The following CHD6 variants were observed in gnomAD, a reference collection of about 807,000 sequenced individuals.
CHD6 encodes the protein chromodomain helicase DNA binding protein 6.
A neutral mutation model predicts 276.9 loss-of-function variants in CHD6; 50 were observed. The ratio of observed to expected loss-of-function variants is 0.18; its 90% CI spans 0.14 to 0.23. CHD6 has a LOEUF of 0.23. Among genes scored for constraint, CHD6 ranks in the 10% least tolerant of loss-of-function variants. The pLI is 1.00. For missense variants in CHD6, 2,564 were observed against 3,365.8 expected, an observed-to-expected ratio of 0.76 and a Z score of 5.89; for synonymous variants, 1,173 against 1,229.3, an observed-to-expected ratio of 0.95 and a Z score of 0.96.
At chr20:41,412,122 C>T (rs2145401453) in intron 36 of CHD6, 22 bp downstream of exon 36, 1 of 1,613,340 alleles carries the variant, frequency 6.2e-7, no homozygotes, top group South Asian at 1.1e-5. Flanking sequence ...TGGCCCCACA[C>T]TCACGTGGCC....
intron 1 of CHD6, among the ~76,000 whole-genome samples, chr20:41,566,392 A>G (rs568696118): frequency 6.6e-6 from 1 of 152,260 alleles, no homozygotes; most frequent in African/African-American, 2.4e-5. Context: ...AAGTCTCCAA[A>G]GTCCCACACA....
intron 16 of CHD6, among the ~76,000 whole-genome samples, chr20:41,482,323 T>C (rs1190669155): frequency 1.3e-5 from 2 of 152,172 alleles, no homozygotes; most frequent in African/African-American, 4.8e-5. Context: ...ATCCTTTACA[T>C]AGAAATCTCT....
chr20:41,415,342 T>C lies in CHD6; in HGVS notation c.6783A>G (p.Gln2261=), dbSNP rs140533437. 69 of 1,614,172 alleles carry C rather than the reference T, an allele frequency of 4.3e-5. No individual in the cohort carries two copies. Among genetic ancestry groups the C allele is most frequent in the East Asian group, 1.8e-4 (8 of 44,886 alleles). The change falls in exon 34 of 37, where the codon CAA becomes CAG. Residue 2261 remains glutamine, a synonymous_variant. Transcript: ENST00000373233. ...ALGMDLSGIL[Q]AGLIHPVTGQ... Reference sequence around the variant, plus strand: ...CAGTCACAGGATGGATCAGGCCAGCTTGCAGAATCCCAGACAAGTCCATGC... The same window carrying C: ...CAGTCACAGGATGGATCAGGCCAGCCTGCAGAATCCCAGACAAGTCCATGC...
chr20:41,444,929 C>T (rs899485017), intron 25 of CHD6, among the ~76,000 whole-genome samples: 2 of 152,164 alleles, frequency 1.3e-5, no homozygotes, highest in African/African-American at 2.4e-5. Flanking sequence ...TCACTTTAAA[C>T]CTTGCTCCTC....
chr20:41,585,940 C>T (rs2045589810), intron 1 of CHD6, among the ~76,000 whole-genome samples: 1 of 152,180 alleles, frequency 6.6e-6, no homozygotes, highest in South Asian at 2.1e-4. Flanking sequence ...CTGCACCCAC[C>T]TTTAAACACG....
chr20:41,446,266 C>T (rs2048065878), intron 24 of CHD6, among the ~76,000 whole-genome samples: 1 of 152,158 alleles, frequency 6.6e-6, no homozygotes, highest in African/African-American at 2.4e-5. Flanking sequence ...CACACTGGAA[C>T]AAGTCGGTAT....
At chr20:41,537,740 G>C (rs967700935) in intron 2 of CHD6, among the ~76,000 whole-genome samples, 1 of 152,092 alleles carries the variant, frequency 6.6e-6, no homozygotes, top group African/African-American at 2.4e-5. Flanking sequence ...CAATAATTTT[G>C]GCAAGGATAC....
At chr20:41,592,113 A>G (rs2045669095) in intron 1 of CHD6, among the ~76,000 whole-genome samples, 1 of 152,244 alleles carries the variant, frequency 6.6e-6, no homozygotes, top group Non-Finnish European at 1.5e-5. Flanking sequence ...AAACAAAAAA[A>G]AAGAATTTCA....
Position 41,452,039 on chromosome 20 carries a change from T to G in CHD6, c.3324-14A>C. The stretch of plus-strand genomic sequence containing the variant: ...CACCGGCCCCAGCTGACAGTGGACA[T>G]ACAGACAGGTGTTGGAGGGAGAATG... On this transcript the variant is annotated splice_polypyrimidine_tract_variant and intron_variant, in intron 21 of 36. Coordinates refer to ENST00000373233, the MANE Select transcript of CHD6 (RefSeq NM_032221.5). The surrounding 1 kb of genome is among the most constrained non-coding windows in gnomAD (Gnocchi z 4.2). The G allele has an allele frequency of 6.2e-7, 1 of 1,608,726 alleles. No homozygotes were observed. Among genetic ancestry groups the G allele is most frequent in the East Asian group, 2.2e-5 (1 of 44,714 alleles).
chr20:41,483,625 G>T, intron 15 of CHD6, 106 bp from the exon 16 acceptor site: 1 of 810,516 alleles, frequency 1.2e-6, no homozygotes, highest in South Asian at 1.8e-5. Context: ...TTAGGTCCTA[G>T]ACCAGCAGTC....
chr20:41,483,244 C>G, intron 16 of CHD6, 65 bp downstream of exon 16: 1 of 1,409,032 alleles, frequency 7.1e-7, no homozygotes, highest in East Asian at 2.4e-5. Flanking sequence ...TTGAATGGAT[C>G]AAAAAAATAT....
rs574715587 is a variant in CHD6, at chr20:41,612,706, T to C, written c.-24+5634A>G. 1.4e-4 allele frequency among the ~76,000 whole-genome samples: 22 copies of C among 152,364 alleles called. No individual in the cohort carries two copies. In the South Asian group the frequency reaches 3.1e-3, roughly 22 times the overall value. On this transcript the variant is annotated intron_variant, in intron 1 of 36. Coordinates refer to ENST00000373233, the MANE Select transcript of CHD6 (RefSeq NM_032221.5). ...TTCAAAGTATTTCTTAGAATACTGATAGTTTTTCTTGGACCCAAAGTAGAT... is the reference window on the plus strand; with the variant it reads ...TTCAAAGTATTTCTTAGAATACTGACAGTTTTTCTTGGACCCAAAGTAGAT...
chr20:41,533,275 C>T lies in CHD6; in HGVS notation c.329G>A (p.Gly110Glu). 6.2e-7 allele frequency: 1 copy of T among 1,613,840 alleles called. No homozygotes were observed. Among genetic ancestry groups the T allele is most frequent in the Admixed American group, 1.7e-5 (1 of 59,934 alleles). ...EPGDQEGAAK[G>E]SKDREPKPKR... ...TGGCTTGGGCTCTCTGTCCTTGCTT[C>T]CCTTTGCTGCACCCTCTTGGTCTCC... Residue 110 changes from glycine to glutamate, a missense_variant, in exon 3 of 37, where the codon GGA becomes GAA. Around this residue, in one of 7 missense-constraint regions of CHD6, gnomAD observed 286 missense variants for 297.8 expected, o/e 0.96. Coordinates refer to ENST00000373233, the MANE Select transcript of CHD6 (RefSeq NM_032221.5).
chr20:41,483,243 T>G, intron 16 of CHD6, 66 bp downstream of exon 16: 1 of 1,401,248 alleles, frequency 7.1e-7, no homozygotes, highest in Non-Finnish European at 9.6e-7. Context: ...TTTGAATGGA[T>G]CAAAAAAATA....
intron 3 of CHD6, among the ~76,000 whole-genome samples, chr20:41,518,036 G>A (rs546186513): frequency 5.9e-5 from 9 of 152,290 alleles, no homozygotes; most frequent in Admixed American, 3.9e-4. Context: ...ATTCATAGAT[G>A]TTGATAGTTT....
At chr20:41,587,619 G>A (rs1371458790) in intron 1 of CHD6, among the ~76,000 whole-genome samples, 1 of 152,190 alleles carries the variant, frequency 6.6e-6, no homozygotes, top group Non-Finnish European at 1.5e-5. Flanking sequence ...GTTCTCTCTG[G>A]TAAGTGGGGA....
At chr20:41,558,221 A>C (rs879409780) in intron 1 of CHD6, among the ~76,000 whole-genome samples, 3 of 152,172 alleles carry the variant, frequency 2.0e-5, no homozygotes, top group African/African-American at 4.8e-5. Context: ...TGAGCAGTCT[A>C]CAGGAGGTAC....
At chr20:41,417,433 T>A in intron 31 of CHD6, 84 bp from the exon 32 acceptor site, 1 of 1,238,772 alleles carries the variant, frequency 8.1e-7, no homozygotes, top group Non-Finnish European at 1.1e-6. Context: ...TATCCTCTTT[T>A]CCTTTTGCTT....
At chr20:41,597,637 C>T (rs896565142) in intron 1 of CHD6, among the ~76,000 whole-genome samples, 1 of 152,082 alleles carries the variant, frequency 6.6e-6, no homozygotes, top group African/African-American at 2.4e-5. Context: ...GTCAAAAAGG[C>T]ATCGCCCTCT....
Sources: allele counts gnomAD v4.1 joint callset (sites outside exome capture counted in the v4.1 genomes callset), GRCh38; gene constraint gnomAD v4.1.1; regional missense constraint gnomAD v4.1.1; non-coding constraint Gnocchi (gnomAD v3.1); transcripts MANE v1.5; gene names NCBI Gene and HGNC (gene_info 2026-07-23, HGNC 2026-07-21).